Variants in SMC1B observed in about 807,000 individuals in gnomAD.
SMC1B encodes the protein structural maintenance of chromosomes protein 1B.
A neutral mutation model predicts 157.9 loss-of-function variants in SMC1B; 60 were observed. The observed-to-expected ratio is 0.38, with a 90% CI of 0.31 to 0.47. The LOEUF (loss-of-function observed/expected upper bound fraction) is 0.47. Among genes scored for constraint, SMC1B ranks in the 20% least tolerant of loss-of-function variants. The pLI is 0.99. For synonymous variants in SMC1B, 445 were observed against 483.0 expected (o/e 0.92, Z 1.03); for missense variants, 1,165 against 1,426.2 (o/e 0.82, Z 2.95).
At chr22:45,359,768 A>T in intron 18 of SMC1B, 37 bp downstream of exon 18, 1 of 1,598,450 alleles carries the variant, frequency 6.3e-7, no homozygotes, top group South Asian at 1.1e-5. Flanking sequence ...TAAGTTCCAC[A>T]CAACGGCACA....
At chr22:45,378,112 T>C (rs1353234343) in intron 12 of SMC1B, among the ~76,000 whole-genome samples, 1 of 152,172 alleles carries the variant, frequency 6.6e-6, no homozygotes, top group East Asian at 1.9e-4. Context: ...ATATTTTCTT[T>C]CTTCTTTAGT....
intron 13 of SMC1B, 58 bp downstream of exon 13, chr22:45,372,097 C>G: frequency 7.1e-7 from 1 of 1,415,290 alleles, no homozygotes; most frequent in Non-Finnish European, 9.5e-7. Context: ...AAATGTAATT[C>G]CTGAAATTCT....
chr22:45,361,583 A>G (rs2086722101), intron 17 of SMC1B, among the ~76,000 whole-genome samples: 1 of 152,202 alleles, frequency 6.6e-6, no homozygotes, highest in Non-Finnish European at 1.5e-5. Context: ...AGCTGAGATC[A>G]TGCCACTGTC....
In SMC1B at chr22:45,396,595, C is replaced by T. The variant is rs2087126994; in HGVS notation, c.1114-109G>A. 3.4e-6 allele frequency: 3 copies of T among 873,282 alleles called. No homozygotes were observed. The South Asian group carries it at 9.6e-5, about 28-fold the overall frequency. The allele number at this position is 873,282 out of a possible 1,614,324, so 54.1% of individuals were successfully genotyped here. ...GATAATTAATCTTCCCAAAAGCTTG[C>T]TTTATATAAATTAAATCATAATCGA... On this transcript the variant is annotated intron_variant, in intron 6 of 24. Transcript: ENST00000357450.
In SMC1B at chr22:45,361,917, C is replaced by T. The variant is rs968458219; in HGVS notation, c.2630G>A (p.Arg877His). ...MAKQQQLKDIRVTQNSSAEKV... is the reference protein window; with the variant it reads ...MAKQQQLKDIHVTQNSSAEKV... ...CTCGGCACTGGAGTTCTGAGTGACACGTATGTCCTTAAGTTGCTGCTGCTT... is the reference window on the plus strand; with the variant it reads ...CTCGGCACTGGAGTTCTGAGTGACATGTATGTCCTTAAGTTGCTGCTGCTT... Residue 877 changes from arginine to histidine, a missense_variant, in exon 17 of 25, where the codon CGT becomes CAT. Arg to His is a conservative substitution (Grantham distance 29). Transcript: ENST00000357450. 3.1e-6 allele frequency: 5 copies of T among 1,614,138 alleles called. No individual in the cohort carries two copies. Among genetic ancestry groups the T allele is most frequent in the Admixed American group, 1.7e-5 (1 of 60,026 alleles).
intron 19 of SMC1B, among the ~76,000 whole-genome samples, chr22:45,357,963 C>T (rs9626313): frequency 0.011 from 1,635 of 152,272 alleles, 27 homozygotes; most frequent in African/African-American, 0.038. Context: ...AGCCCCTCTT[C>T]TCTAAGGAGG....
chr22:45,351,678 G>A (rs1035848315), intron 22 of SMC1B, among the ~76,000 whole-genome samples: 3 of 152,152 alleles, frequency 2.0e-5, no homozygotes, highest in African/African-American at 7.2e-5. Context: ...CCTCTGGGTA[G>A]CTGGGCCTAC....
rs1053499819 is a variant in SMC1B, at chr22:45,405,468, C to T, written c.615+992G>A. On this transcript the variant is annotated intron_variant, in intron 4 of 24. Transcript: ENST00000357450. ...TCGGGAGGCTGAGGCAGGAGAATGGCGTGAACCCAGGAGGCGGAGCTTGCA... is the reference window on the plus strand; with the variant it reads ...TCGGGAGGCTGAGGCAGGAGAATGGTGTGAACCCAGGAGGCGGAGCTTGCA... 1.3e-4 allele frequency among the ~76,000 whole-genome samples: 19 copies of T among 151,722 alleles called. No individual in the cohort carries two copies. In the South Asian group the frequency reaches 2.1e-3, roughly 17 times the overall value.
At chr22:45,376,485 G>A (rs1199828414) in intron 12 of SMC1B, among the ~76,000 whole-genome samples, 1 of 152,140 alleles carries the variant, frequency 6.6e-6, no homozygotes, top group Non-Finnish European at 1.5e-5. Context: ...GAATAATGCT[G>A]CTATGAACAT....
At chr22:45,371,108 T>A (rs1184352135) in intron 14 of SMC1B, among the ~76,000 whole-genome samples, 4 of 151,978 alleles carry the variant, frequency 2.6e-5, no homozygotes, top group African/African-American at 9.7e-5. Flanking sequence ...ATAGGTGTTT[T>A]AAAAAAAACT....
chr22:45,376,479 A>G (rs2086884778), intron 12 of SMC1B, among the ~76,000 whole-genome samples: 1 of 152,198 alleles, frequency 6.6e-6, no homozygotes, highest in Non-Finnish European at 1.5e-5. Flanking sequence ...TATTGTGAAT[A>G]ATGCTGCTAT....
intron 1 of SMC1B, among the ~76,000 whole-genome samples, chr22:45,411,050 A>G (rs1448627241): frequency 6.6e-6 from 1 of 152,262 alleles, no homozygotes; most frequent in East Asian, 1.9e-4. Flanking sequence ...GTCAATCCTT[A>G]TTTAAATCTG....
At chr22:45,384,710 A>T (rs2086972625) in intron 11 of SMC1B, among the ~76,000 whole-genome samples, 1 of 148,452 alleles carries the variant, frequency 6.7e-6, no homozygotes, top group Non-Finnish European at 1.5e-5. Context: ...ACAGAGCAAG[A>T]CTCCATTTCA....
In SMC1B at chr22:45,359,876, G is replaced by A. The variant is rs537268164; in HGVS notation, c.2791C>T (p.Leu931Phe). The part of the protein sequence containing the change: ...QKRLEKHNLL[L>F]DCKVQDIEII... The stretch of plus-strand genomic sequence containing the variant: ...TCAATGTCTTGCACTTTGCAATCAA[G>A]CAGCAAGTTATGCTTCTCTAATCGT... Residue 931 changes from leucine (L) to phenylalanine (F), a missense_variant, in exon 18 of 25, where the codon CTT becomes TTT. Physicochemically the swap from Leu to Phe is conservative, Grantham distance 22. Coordinates refer to ENST00000357450, the MANE Select transcript of SMC1B (RefSeq NM_148674.5). 6.2e-7 allele frequency: 1 copy of A among 1,614,076 alleles called. No homozygotes were observed. Among genetic ancestry groups the A allele is most frequent in the South Asian group, 1.1e-5 (1 of 91,076 alleles).
chr22:45,365,825 A>C (rs935454275), intron 15 of SMC1B, among the ~76,000 whole-genome samples: 1 of 152,224 alleles, frequency 6.6e-6, no homozygotes. Flanking sequence ...TTATCTAGAA[A>C]TTAATAAGAA....
At position 45,344,613 on chromosome 22, in the gene SMC1B, A is replaced by G. The variant is rs766273995; in HGVS notation, c.3651T>C (p.Ser1217=). 17 of 1,613,972 alleles carry G rather than the reference A, an allele frequency of 1.1e-5. No individual in the cohort carries two copies. In the East Asian group the frequency reaches 3.8e-4, roughly 36 times the overall value. The change falls in exon 25 of 25, where the codon TCT becomes TCC. Residue 1217 remains serine, a synonymous_variant. Transcript: ENST00000357450. ...MFSRVLTLDL[S]QYPDTEGQES... is the part of the protein sequence containing the mutation. The stretch of plus-strand genomic sequence containing the variant: ...CTTGGCCTTCAGTGTCTGGATACTG[A>G]GAAAGATCTAGGGTCAAAACTCGGC...
intron 24 of SMC1B, 67 bp from the exon 25 acceptor site, chr22:45,344,724 CAT>C: frequency 9.6e-7 from 1 of 1,046,126 alleles, no homozygotes; most frequent in South Asian, 1.3e-5. Context: ...AAGTAAGAGC[CAT>C]TAGTGAGTCT....
rs566486035 is a variant in SMC1B, at chr22:45,369,668, G to A, written c.2420+286C>T. ...CACCATTCTCCTGCCTCAGCCTCCCGAGTAGCTGGGACTACAGGCACCTGC... is the reference window on the plus strand; with the variant it reads ...CACCATTCTCCTGCCTCAGCCTCCCAAGTAGCTGGGACTACAGGCACCTGC... On this transcript the variant is annotated intron_variant, in intron 15 of 24. Transcript: ENST00000357450. Among the ~76,000 whole-genome samples, 24 of 149,086 alleles carry A rather than the reference G, an allele frequency of 1.6e-4. 1 individual carries two copies. In the East Asian group the frequency reaches 3.9e-3, roughly 24 times the overall value.
Position 45,399,330 on chromosome 22 carries a change from T to C in SMC1B, c.878A>G (p.Gln293Arg), listed in dbSNP as rs2087165166. ...ELKSVETLLN[Q>R]KRPQYIKAKE... ...GGCTTTAATGTACTGAGGCCTCTTC[T>C]GATTTAAAAGGGTTTCAACCGATCT... The change falls in exon 6 of 25, where the codon CAG becomes CGG. Residue 293 changes from glutamine to arginine, a missense_variant. Gln to Arg is a conservative substitution (Grantham distance 43). Transcript: ENST00000357450. The C allele has an allele frequency of 3.1e-6, 5 of 1,611,228 alleles. No homozygotes were observed. Among genetic ancestry groups the C allele is most frequent in the Non-Finnish European group, 4.2e-6 (5 of 1,179,334 alleles).
Sources: allele counts gnomAD v4.1 joint callset (sites outside exome capture counted in the v4.1 genomes callset), GRCh38; gene constraint gnomAD v4.1.1; transcripts MANE v1.5; gene names NCBI Gene and HGNC (gene_info 2026-07-23, HGNC 2026-07-21).